The following SGCZ variants were observed in gnomAD, a reference collection of about 807,000 sequenced individuals.
The protein encoded by SGCZ is sarcoglycan zeta.
Under a neutral mutation model 41.3 loss-of-function variants are expected in SGCZ, and 40 were observed. The observed-to-expected ratio is 0.97, with a 90% confidence interval of 0.75 to 1.26. The LOEUF is 1.26. Among genes scored for constraint, SGCZ ranks in the 50% most tolerant of loss-of-function variants. The probability of loss-of-function intolerance (pLI) is 0.00; values close to 1 mark genes in which losing one functional copy is unlikely to be tolerated. For missense variants in SGCZ, 552 were observed against 369.8 expected (o/e 1.49, Z -4.04); for synonymous variants, 206 against 137.5 (o/e 1.50, Z -3.49).
At chr8:14,244,410 C>A (rs555306314) in intron 3 of SGCZ, among the ~76,000 whole-genome samples, 3 of 152,114 alleles carry the variant, frequency 2.0e-5, no homozygotes, top group African/African-American at 4.8e-5. Flanking sequence ...TTCCTTAATA[C>A]TTGACCCACT....
chr8:14,435,400 C>G (rs1800060346), intron 2 of SGCZ, among the ~76,000 whole-genome samples: 2 of 152,098 alleles, frequency 1.3e-5, no homozygotes, highest in African/African-American at 4.8e-5. Flanking sequence ...GCAACTGAAG[C>G]AATAGTCACA....
intron 1 of SGCZ, among the ~76,000 whole-genome samples, chr8:14,658,816 G>A (rs1423487031): frequency 2.0e-5 from 3 of 151,922 alleles, no homozygotes; most frequent in Non-Finnish European, 1.5e-5. Context: ...ATCTAGAAGA[G>A]TATCTAGCAG....
intron 1 of SGCZ, among the ~76,000 whole-genome samples, chr8:14,674,477 G>C (rs1808207902): frequency 6.6e-6 from 1 of 152,118 alleles, no homozygotes; most frequent in Non-Finnish European, 1.5e-5. Flanking sequence ...GTTCCTGATA[G>C]TATAGCTATA....
intron 1 of SGCZ, among the ~76,000 whole-genome samples, chr8:14,999,618 T>C (rs1471616655): frequency 6.6e-6 from 1 of 152,068 alleles, no homozygotes; most frequent in Non-Finnish European, 1.5e-5. Flanking sequence ...GTAACTTCTC[T>C]CTATGCAATG....
At chr8:14,157,473 T>C (rs1319032265) in intron 5 of SGCZ, among the ~76,000 whole-genome samples, 1 of 150,894 alleles carries the variant, frequency 6.6e-6, no homozygotes, top group East Asian at 1.9e-4. Context: ...TTTTTCTTAC[T>C]CTCTAACACA....
chr8:15,194,929 T>A (rs1800672830), intron 1 of SGCZ, among the ~76,000 whole-genome samples: 1 of 152,212 alleles, frequency 6.6e-6, no homozygotes, highest in South Asian at 2.1e-4. Flanking sequence ...ATTAACACAT[T>A]GCGAAAGTAT....
chr8:14,686,838 G>A (rs896639874), intron 1 of SGCZ, among the ~76,000 whole-genome samples: 4 of 152,068 alleles, frequency 2.6e-5, no homozygotes, highest in Non-Finnish European at 5.9e-5. Context: ...GCTAAAGAGA[G>A]TAAGATGATA....
At chr8:14,519,700 G>A (rs1416757342) in intron 2 of SGCZ, among the ~76,000 whole-genome samples, 3 of 151,970 alleles carry the variant, frequency 2.0e-5, no homozygotes, top group Non-Finnish European at 4.4e-5. Context: ...TCATTTATCT[G>A]CAATAATCTT....
intron 5 of SGCZ, among the ~76,000 whole-genome samples, chr8:14,127,167 TTA>T (rs371120591): frequency 6.7e-6 from 1 of 150,264 alleles, no homozygotes; most frequent in African/African-American, 2.5e-5. Flanking sequence ...TAAGATAAAA[TTA>T]AAATAAATAA....
chr8:14,594,433 T>C (rs955794833), intron 1 of SGCZ, among the ~76,000 whole-genome samples: 1 of 152,024 alleles, frequency 6.6e-6, no homozygotes, highest in Non-Finnish European at 1.5e-5. Flanking sequence ...TCTAACTATG[T>C]AATACCTTAA....
chr8:14,462,198 A>C (rs1311818838), intron 2 of SGCZ, among the ~76,000 whole-genome samples: 1 of 151,990 alleles, frequency 6.6e-6, no homozygotes, highest in African/African-American at 2.4e-5. Flanking sequence ...TTTGACATTA[A>C]GGAATTTGCA....
intron 1 of SGCZ, among the ~76,000 whole-genome samples, chr8:14,971,462 T>A (rs1801294691): frequency 6.6e-6 from 1 of 152,054 alleles, no homozygotes; most frequent in African/African-American, 2.4e-5. Flanking sequence ...CCTACTTTCC[T>A]GAGAATTTTT....
chr8:14,343,119 G>A (rs760811716), intron 2 of SGCZ, among the ~76,000 whole-genome samples: 1 of 152,184 alleles, frequency 6.6e-6, no homozygotes, highest in Non-Finnish European at 1.5e-5. Context: ...AATGAGGTTT[G>A]GACACCTCTG....
Position 14,589,641 on chromosome 8 carries a change from C to T in SGCZ, c.40-34715G>A, listed in dbSNP as rs368145024. Among the ~76,000 whole-genome samples the T allele has an allele frequency of 3.8e-4, 58 of 152,134 alleles. 1 individual carries two copies. The East Asian group carries it at 4.4e-3, about 12-fold the overall frequency. On this transcript the variant is annotated intron_variant, in intron 1 of 7. Coordinates refer to ENST00000382080, the MANE Select transcript of SGCZ (RefSeq NM_139167.4). Reference sequence around the variant, plus strand: ...ACTAATCTAAACTTTATTATTATTACGCATAATATTCATAGTTGCATTTAA... The same window carrying T: ...ACTAATCTAAACTTTATTATTATTATGCATAATATTCATAGTTGCATTTAA...
At chr8:15,072,030 A>G (rs1007348008) in intron 1 of SGCZ, among the ~76,000 whole-genome samples, 2 of 152,096 alleles carry the variant, frequency 1.3e-5, no homozygotes, top group African/African-American at 4.8e-5. Context: ...TGGCCCCAGC[A>G]TCGGAAGTCT....
At chr8:15,194,711 A>G (rs1437769010) in intron 1 of SGCZ, among the ~76,000 whole-genome samples, 2 of 152,202 alleles carry the variant, frequency 1.3e-5, no homozygotes, top group Admixed American at 1.3e-4. Flanking sequence ...GAGGAGGACC[A>G]TAAGCCAGGG....
At chr8:14,381,485 C>T (rs930281965) in intron 2 of SGCZ, among the ~76,000 whole-genome samples, 1 of 152,064 alleles carries the variant, frequency 6.6e-6, no homozygotes. Context: ...ATATTAAAGC[C>T]CCATAGCAGC....
chr8:14,288,820 A>G (rs975739945), intron 3 of SGCZ, among the ~76,000 whole-genome samples: 1 of 152,048 alleles, frequency 6.6e-6, no homozygotes, highest in Non-Finnish European at 1.5e-5. Context: ...GATAAGCCAT[A>G]TTTTACTTCT....
chr8:14,204,778 G>A (rs1200153542), intron 4 of SGCZ, among the ~76,000 whole-genome samples: 3 of 148,722 alleles, frequency 2.0e-5, no homozygotes, highest in Admixed American at 6.7e-5. Flanking sequence ...CAGAACTTCA[G>A]GGTCCCTGGC....
Sources: allele counts gnomAD v4.1 joint callset (sites outside exome capture counted in the v4.1 genomes callset), GRCh38; gene constraint gnomAD v4.1.1; transcripts MANE v1.5; gene names NCBI Gene and HGNC (gene_info 2026-07-23, HGNC 2026-07-21).